The following GNA15 variants were observed in gnomAD, a reference collection of about 807,000 sequenced individuals.
GNA15 encodes the protein G protein subunit alpha 15.
GNA15 carries 23 observed loss-of-function variants against 40.1 expected under a neutral mutation model. That is an observed-to-expected ratio of 0.57 (90% CI 0.41 to 0.81). The LOEUF (loss-of-function observed/expected upper bound fraction) is 0.81, where lower values mean the gene tolerates loss of function less well. GNA15 is among the 40% of genes least tolerant of loss of function. GNA15 has a pLI of 0.00. For missense variants in GNA15, 522 were observed against 515.8 expected (o/e 1.01, Z -0.12); for synonymous variants, 226 against 210.4 (o/e 1.07, Z -0.64).
chr19:3,138,935 G>T lies in GNA15; in HGVS notation c.145+2340G>T, dbSNP rs1396671906. Among the ~76,000 whole-genome samples, 18 of 129,878 alleles carry T rather than the reference G, an allele frequency of 1.4e-4. 1 individual carries two copies. The South Asian group carries it at 4.2e-3, about 30-fold the overall frequency. 85.2% of individuals were successfully genotyped at this position (129,878 alleles called of 152,430 possible). The stretch of plus-strand genomic sequence containing the variant: ...TTACAGGCGTGAGCCACCGCGCCCA[G>T]CCTCTTTTTTTTTTTTTTTCTTTTT... On this transcript the variant is annotated intron_variant, in intron 1 of 6. Transcript: ENST00000262958.
intron 4 of GNA15, among the ~76,000 whole-genome samples, chr19:3,154,489 T>C (rs531966632): frequency 1.2e-4 from 17 of 147,694 alleles, no homozygotes; most frequent in Admixed American, 4.7e-4. Flanking sequence ...GACAGATGGG[T>C]GGATGGATGG....
intron 3 of GNA15, among the ~76,000 whole-genome samples, 173 bp downstream of exon 3, chr19:3,150,458 G>C (rs1399804237): frequency 6.6e-6 from 1 of 151,872 alleles, no homozygotes; most frequent in African/African-American, 2.4e-5. Flanking sequence ...ACCCTGTTCT[G>C]GGGGTGACCC....
At chr19:3,160,212 AT>A (rs1915111190) in intron 6 of GNA15, among the ~76,000 whole-genome samples, 2 of 151,764 alleles carry the variant, frequency 1.3e-5, no homozygotes, top group African/African-American at 4.8e-5. Context: ...CTTCCCCCAT[AT>A]GTCTGGTGCC....
At chr19:3,148,170 T>G (rs922059023) in intron 1 of GNA15, among the ~76,000 whole-genome samples, 1 of 151,850 alleles carries the variant, frequency 6.6e-6, no homozygotes, top group Non-Finnish European at 1.5e-5. Flanking sequence ...CTCACTGCAA[T>G]CTCTGCCTCC....
At chr19:3,159,440 G>A (rs1449778650) in intron 6 of GNA15, among the ~76,000 whole-genome samples, 1 of 148,764 alleles carries the variant, frequency 6.7e-6, no homozygotes, top group Non-Finnish European at 1.5e-5. Context: ...TCCGCCTCCC[G>A]GGTTCAAGGG....
chr19:3,151,704 C>T lies in GNA15; in HGVS notation c.486-3C>T, dbSNP rs1914884921. Reference sequence around the variant, plus strand: ...CTGGGCCTCAGGACTCCTTGCTCTGCAGCTACCTGTCCCACCTGGAGCGCA... The same window carrying T: ...CTGGGCCTCAGGACTCCTTGCTCTGTAGCTACCTGTCCCACCTGGAGCGCA... On this transcript the variant is annotated splice_polypyrimidine_tract_variant and splice_region_variant and intron_variant, in intron 3 of 6. Transcript: ENST00000262958. This position sits in a 1 kb window ranked among gnomAD's most constrained non-coding sequence, Gnocchi z 5.0. 3.8e-6 allele frequency: 6 copies of T among 1,588,642 alleles called. No homozygotes were observed. The highest frequency in any genetic ancestry group is 5.1e-6 in the Non-Finnish European group (6 of 1,168,038).
At chr19:3,148,980 C>T (rs1296371291) in intron 2 of GNA15, 15 of 576,076 alleles carry the variant, frequency 2.6e-5, no homozygotes, top group African/African-American at 3.7e-5. Flanking sequence ...CAAGTATACA[C>T]GCATAAATGC....
At chr19:3,146,085 C>T (rs929734009) in intron 1 of GNA15, among the ~76,000 whole-genome samples, 9 of 152,110 alleles carry the variant, frequency 5.9e-5, no homozygotes, top group Non-Finnish European at 8.8e-5. Context: ...TCTTTCTGGG[C>T]CCCAACCAAG....
At chr19:3,139,223 G>A (rs1399371008) in intron 1 of GNA15, among the ~76,000 whole-genome samples, 2 of 152,106 alleles carry the variant, frequency 1.3e-5, no homozygotes, top group East Asian at 3.9e-4. Flanking sequence ...GGGGATTACA[G>A]GCGTGAGCCA....
At position 3,136,531 on chromosome 19, in the gene GNA15, G is replaced by T. The variant is rs200281819; in HGVS notation, c.81G>T (p.Glu27Asp). The T allele has an allele frequency of 2.1e-5, 33 of 1,568,658 alleles. No homozygotes were observed. The East Asian group carries it at 7.5e-4, about 36-fold the overall frequency. The stretch of plus-strand genomic sequence containing the variant: ...AGGCCGCCGCCCGGGTGGACCAGGA[G>T]ATCAACAGGATCCTCTTGGAGCAGA... ...DEKAAARVDQ[E>D]INRILLEQKK... The change falls in exon 1 of 7, where the codon GAG becomes GAT. Residue 27 changes from glutamate to aspartate, a missense_variant. By Grantham distance (45) the Glu-to-Asp change is conservative (BLOSUM62 2). Transcript: ENST00000262958. This position sits in a 1 kb window ranked among gnomAD's most constrained non-coding sequence, Gnocchi z 4.9.
At chr19:3,140,755 T>A in intron 1 of GNA15, among the ~76,000 whole-genome samples, 1 of 152,206 alleles carries the variant, frequency 6.6e-6, no homozygotes, top group Non-Finnish European at 1.5e-5. Context: ...AATGAATGAA[T>A]GAATGAATGA....
chr19:3,149,399 C>T (rs1395703511), intron 2 of GNA15: 1 of 156,816 alleles, frequency 6.4e-6, no homozygotes, highest in Non-Finnish European at 1.4e-5. Context: ...GCAATCCCCC[C>T]ATGCACATGC....
At chr19:3,148,883 C>A in intron 2 of GNA15, 108 bp downstream of exon 2, 1 of 1,138,408 alleles carries the variant, frequency 8.8e-7, no homozygotes, top group Non-Finnish European at 1.2e-6. Context: ...CAGGGCAGGG[C>A]AGGGCAGGGC....
intron 6 of GNA15, among the ~76,000 whole-genome samples, chr19:3,162,541 A>G (rs1000111596): frequency 1.3e-5 from 2 of 152,310 alleles, no homozygotes; most frequent in Non-Finnish European, 2.9e-5. Context: ...GTTCTGCCCG[A>G]AGTCCCAGAG....
intron 1 of GNA15, among the ~76,000 whole-genome samples, chr19:3,143,859 G>GC (rs1335007969): frequency 6.6e-6 from 1 of 151,796 alleles, no homozygotes; most frequent in African/African-American, 2.4e-5. Flanking sequence ...AGTGGCTCAC[G>GC]CCTGTAATCC....
At chr19:3,145,359 AT>A (rs71179976) in intron 1 of GNA15, among the ~76,000 whole-genome samples, 999 of 46,934 alleles carry the variant, frequency 0.021, 24 homozygotes, top group South Asian at 0.07. Context: ...ATATATATAT[AT>A]TTTTTTTTTT....
At chr19:3,154,758 G>C (rs1914972674) in intron 4 of GNA15, among the ~76,000 whole-genome samples, 1 of 151,798 alleles carries the variant, frequency 6.6e-6, no homozygotes, top group Admixed American at 6.6e-5. Flanking sequence ...TGGGTGGATG[G>C]ATGAGTGAAT....
At chr19:3,146,673 C>A (rs1228568448) in intron 1 of GNA15, 1 of 152,738 alleles carries the variant, frequency 6.5e-6, no homozygotes, top group African/African-American at 2.4e-5. Flanking sequence ...TGGTCCAGCC[C>A]CACGGTTGCT....
intron 2 of GNA15, 76 bp from the exon 3 acceptor site, chr19:3,150,055 G>A (rs780545964): frequency 3.1e-6 from 4 of 1,303,160 alleles, no homozygotes; most frequent in Non-Finnish European, 4.3e-6. Context: ...AGGGACGTGG[G>A]GGCTTGCAGA....
Sources: gnomAD v4.1 joint callset for allele counts (sites outside exome capture counted in the v4.1 genomes callset) on GRCh38, gnomAD v4.1.1 for gene constraint, Gnocchi (gnomAD v3.1) non-coding constraint, MANE v1.5 for transcripts, NCBI Gene and HGNC (gene_info 2026-07-23, HGNC 2026-07-21) for gene names.